The following MGAM variants were observed in gnomAD, a reference collection of about 807,000 sequenced individuals.
MGAM encodes the protein maltase-glucoamylase.
Under a neutral mutation model 358.8 loss-of-function variants are expected in MGAM, and 253 were observed. The observed-to-expected ratio is 0.71, with a 90% CI of 0.64 to 0.78. The LOEUF (loss-of-function observed/expected upper bound fraction) is 0.78. MGAM is among the 30% of genes least tolerant of loss of function. The pLI, the probability that MGAM is intolerant of heterozygous loss-of-function variation, is 0.00. For missense variants in MGAM, 3,080 were observed against 3,432.6 expected, an observed-to-expected ratio of 0.90 and a Z score of 2.57; for synonymous variants, 1,105 against 1,227.1, an observed-to-expected ratio of 0.90 and a Z score of 2.08.
intron 22 of MGAM, among the ~76,000 whole-genome samples, chr7:142,049,495 TCAA>T (rs1405219714): frequency 6.6e-6 from 1 of 152,012 alleles, no homozygotes; most frequent in African/African-American, 2.4e-5. Flanking sequence ...AAATAAATAA[TCAA>T]CAAAGTGAAA....
chr7:142,105,941 A>G lies in MGAM; in HGVS notation c.*50A>G, dbSNP rs1816830511. On this transcript the variant is annotated 3_prime_UTR_variant, in exon 71 of 71. Coordinates refer to ENST00000475668, the MANE Select transcript of MGAM (RefSeq NM_001365693.1). Reference sequence around the variant, plus strand: ...ACTATGAATGACTTTGAAACTACTTATACTTCATACTCATAAAAATTATTG... The same window carrying G: ...ACTATGAATGACTTTGAAACTACTTGTACTTCATACTCATAAAAATTATTG... 1 of 1,306,774 alleles carries G rather than the reference A, an allele frequency of 7.7e-7. No homozygotes were observed. Among genetic ancestry groups the G allele is most frequent in the South Asian group, 1.2e-5 (1 of 83,388 alleles). The allele number at this position is 1,306,774 out of a possible 1,614,324, so 80.9% of individuals were successfully genotyped here.
intron 9 of MGAM, among the ~76,000 whole-genome samples, 175 bp from the exon 10 acceptor site, chr7:142,027,435 A>G (rs1203904901): frequency 6.6e-6 from 1 of 152,220 alleles, no homozygotes; most frequent in Non-Finnish European, 1.5e-5. Context: ...TGCCCCAAAC[A>G]TGGCCCTACC....
At chr7:142,021,479 A>G (rs1554458776) in intron 5 of MGAM, 107 bp from the exon 6 acceptor site, 8 of 1,089,732 alleles carry the variant, frequency 7.3e-6, no homozygotes, top group African/African-American at 1.6e-5. Flanking sequence ...TACCTAAGAT[A>G]TGAGGTCAGT....
chr7:142,020,867 C>T, intron 4 of MGAM, 107 bp from the exon 5 acceptor site: 1 of 779,674 alleles, frequency 1.3e-6, no homozygotes, highest in Non-Finnish European at 2.2e-6. Flanking sequence ...GCTGGGATTA[C>T]AGGTGTGAAC....
At chr7:142,024,907 C>T (rs1441354536) in intron 7 of MGAM, 143 bp from the exon 8 acceptor site, 6 of 604,828 alleles carry the variant, frequency 9.9e-6, no homozygotes, top group African/African-American at 5.6e-5. Context: ...GATATAGACC[C>T]CATCTTTTAA....
chr7:142,035,893 A>T (rs1807947553), intron 16 of MGAM, among the ~76,000 whole-genome samples: 1 of 152,168 alleles, frequency 6.6e-6, no homozygotes. Context: ...TGTAAAGTGT[A>T]TTACTTTTAT....
intron 10 of MGAM, among the ~76,000 whole-genome samples, chr7:142,028,295 A>G (rs1041938349): frequency 1.3e-5 from 2 of 152,206 alleles, no homozygotes; most frequent in African/African-American, 2.4e-5. Flanking sequence ...CAGGTCAAGA[A>G]TGATGCAGAT....
intron 37 of MGAM, 59 bp from the exon 38 acceptor site, chr7:142,065,276 T>A: frequency 6.3e-7 from 1 of 1,575,394 alleles, no homozygotes; most frequent in Non-Finnish European, 8.6e-7. Context: ...GAGCAGAAGC[T>A]CTATGGCCTT....
rs756951563 is a variant in MGAM, at chr7:142,083,451, A to G, written c.6381+38A>G. 7 of 1,399,602 alleles carry G rather than the reference A, an allele frequency of 5.0e-6. 1 individual carries two copies. The South Asian group carries it at 6.3e-5, about 13-fold the overall frequency. 86.7% of individuals were successfully genotyped at this position (1,399,602 alleles called of 1,614,324 possible). On this transcript the variant is annotated intron_variant, in intron 53 of 70. Coordinates refer to ENST00000475668, the MANE Select transcript of MGAM (RefSeq NM_001365693.1). ...CCAATTGTTTATCAAGTACTTATAT[A>G]GCACATTCTGGGTGCCAGAGCCCAC...
intron 3 of MGAM, among the ~76,000 whole-genome samples, chr7:142,013,559 T>G (rs890608891): frequency 2.6e-5 from 4 of 152,280 alleles, no homozygotes; most frequent in Non-Finnish European, 4.4e-5. Flanking sequence ...TCACCCCATA[T>G]TGTGGAAAGA....
chr7:141,994,434 A>C (rs1804088299), upstream of MGAM, among the ~76,000 whole-genome samples: 1 of 152,186 alleles, frequency 6.6e-6, no homozygotes. Context: ...GCAGGGAATG[A>C]AATCACAGGA....
chr7:142,045,720 A>G lies in MGAM; in HGVS notation c.2499-2065A>G, dbSNP rs1473136813. Among the ~76,000 whole-genome samples, 2 of 81,474 alleles carry G rather than the reference A, an allele frequency of 2.5e-5. 1 individual carries two copies. The highest frequency in any genetic ancestry group is 4.6e-5 in the Non-Finnish European group (2 of 43,398). The allele number at this position is 81,474 out of a possible 152,430, so 53.5% of individuals were successfully genotyped here. Reference sequence around the variant, plus strand: ...AATATATGAATATATAATATATAATATATACATACAATGTATGAATATATA... The same window carrying G: ...AATATATGAATATATAATATATAATGTATACATACAATGTATGAATATATA... On this transcript the variant is annotated intron_variant, in intron 21 of 70. Coordinates refer to ENST00000475668, the MANE Select transcript of MGAM (RefSeq NM_001365693.1).
rs750351736 is a variant in MGAM at position 142,086,368 on chromosome 7, G to A, written c.6747+40G>A. On this transcript the variant is annotated intron_variant, in intron 56 of 70. Transcript: ENST00000475668. ...GATGATCCAGTAGTCCCTAGCCTGA[G>A]GGTGGGTCACTGTTAGAGGGTCACA... 12 of 1,444,090 alleles carry A rather than the reference G, an allele frequency of 8.3e-6. 1 individual carries two copies. The East Asian group carries it at 2.9e-4, about 35-fold the overall frequency. The allele number at this position is 1,444,090 out of a possible 1,614,324, so 89.5% of individuals were successfully genotyped here. A position where few individuals can be genotyped will look rare whatever the true frequency, so the allele number is the denominator to read the frequency against.
rs868934815 is a variant in MGAM at position 142,022,407 on chromosome 7, C to A, written c.850C>A (p.Pro284Thr). 15 of 1,613,536 alleles carry A rather than the reference C, an allele frequency of 9.3e-6. No individual in the cohort carries two copies. The highest frequency in any genetic ancestry group is 1.7e-4 in the Middle Eastern group (1 of 6,058). Residue 284 changes from proline (P) to threonine (T), a missense_variant, in exon 7 of 71, where the codon CCC (proline) becomes ACC (threonine). Coordinates refer to ENST00000475668, the MANE Select transcript of MGAM (RefSeq NM_001365693.1). ...YRHDMNWKTWPIFNRDTTPNG... is the reference protein window; with the variant it reads ...YRHDMNWKTWTIFNRDTTPNG... Reference sequence around the variant, plus strand: ...GCATGATATGAATTGGAAGACCTGGCCCATATTTAACAGAGACACAACTCC... The same window carrying A: ...GCATGATATGAATTGGAAGACCTGGACCATATTTAACAGAGACACAACTCC...
chr7:142,052,386 T>C lies in MGAM; in HGVS notation c.2898T>C (p.Cys966=), dbSNP rs765085155. The C allele has an allele frequency of 7.4e-6, 12 of 1,613,132 alleles. No homozygotes were observed. The highest frequency in any genetic ancestry group is 1.0e-5 in the Non-Finnish European group (12 of 1,179,544). The change falls in exon 25 of 71, where the codon TGT becomes TGC. Residue 966 remains cysteine, a synonymous_variant. Coordinates refer to ENST00000475668, the MANE Select transcript of MGAM (RefSeq NM_001365693.1). The stretch of plus-strand genomic sequence containing the variant: ...TAAGGGATGAAGAAAAAATAGACTG[T>C]TACCCTGATGAGAATGGTGCTTCTG... ...IKIRDEEKID[C]YPDENGASAE...
Position 142,022,362 on chromosome 7 carries a change from C to T in MGAM, c.805C>T (p.His269Tyr), listed in dbSNP as rs951729956. 2.5e-6 allele frequency: 4 copies of T among 1,613,674 alleles called. No homozygotes were observed. The highest frequency in any genetic ancestry group is 3.3e-4 in the Middle Eastern group (2 of 6,058). Residue 269 changes from histidine to tyrosine, a missense_variant, in exon 7 of 71, where the codon CAT becomes TAT. This residue lies in a region of MGAM where 1,816 missense variants were observed against 1,840.5 expected (regional missense o/e 0.99). Coordinates refer to ENST00000475668, the MANE Select transcript of MGAM (RefSeq NM_001365693.1). The part of the protein sequence containing the change: ...PSTNVYGLGE[H>Y]VHQQYRHDMN... ...CACTAACGTGTATGGCCTGGGAGAG[C>T]ATGTGCACCAGCAGTATCGGCATGA...
chr7:142,091,344 G>C (rs1311733542), intron 57 of MGAM, among the ~76,000 whole-genome samples: 2 of 145,858 alleles, frequency 1.4e-5, no homozygotes, highest in Non-Finnish European at 3.1e-5. Context: ...GAAAATAAGG[G>C]GAAGTTGAAA....
intron 12 of MGAM, 105 bp from the exon 13 acceptor site, chr7:142,031,575 A>C: frequency 2.5e-3 from 1,539 of 624,844 alleles, no homozygotes; most frequent in Non-Finnish European, 3.6e-3. Context: ...GTTCCTGGGT[A>C]CCTCGGTTGC....
intron 21 of MGAM, among the ~76,000 whole-genome samples, chr7:142,042,180 C>CAT (rs574424064): frequency 0.25 from 239 of 970 alleles, 23 homozygotes; most frequent in South Asian, 0.36. Context: ...TAATATATAA[C>CAT]ATATTATATA....
Sources: allele counts gnomAD v4.1 joint callset (sites outside exome capture counted in the v4.1 genomes callset), GRCh38; gene constraint gnomAD v4.1.1; regional missense constraint gnomAD v4.1.1; transcripts MANE v1.5; gene names NCBI Gene and HGNC (gene_info 2026-07-23, HGNC 2026-07-21).